Variants in GLYATL1B observed in about 807,000 individuals in gnomAD.
The protein encoded by GLYATL1B is glycine-N-acyltransferase like 1B, also known as putative glycine N-acyltransferase-like protein 1B.
A neutral mutation model predicts 5.5 loss-of-function variants in GLYATL1B; 6 were observed. The observed-to-expected ratio is 1.09, with a 90% CI of 0.60 to 2.15. The LOEUF is 2.15. GLYATL1B is among the 30% of genes most tolerant of loss of function. GLYATL1B has a pLI of 0.00. For synonymous variants in GLYATL1B, 67 were observed against 34.9 expected (o/e 1.92, Z -3.24); for missense variants, 135 against 94.1 (o/e 1.43, Z -1.80).
At chr11:59,088,743 A>T (rs1376038363) in intron 2 of GLYATL1B, among the ~76,000 whole-genome samples, 1 of 152,190 alleles carries the variant, frequency 6.6e-6, no homozygotes, top group Non-Finnish European at 1.5e-5. Context: ...TAAAATATAA[A>T]AGTTCCATGC....
At chr11:59,090,269 C>A (rs560335087) in intron 2 of GLYATL1B, among the ~76,000 whole-genome samples, 48 of 152,088 alleles carry the variant, frequency 3.2e-4, no homozygotes, top group Non-Finnish European at 5.2e-4. Flanking sequence ...TTATAAACTT[C>A]AGAGCTATAT....
At position 59,094,527 on chromosome 11, in the gene GLYATL1B, C is replaced by T. The variant is rs549947028; in HGVS notation, c.650C>T (p.Pro217Leu). Residue 217 changes from proline to leucine, a missense_variant, in exon 5 of 5, where the codon CCG becomes CTG. Pro to Leu is a moderately conservative substitution (Grantham distance 98, BLOSUM62 -3). Coordinates refer to ENST00000527482, the MANE Select transcript of GLYATL1B (RefSeq NM_001355566.1). The stretch of plus-strand genomic sequence containing the variant: ...TGTATGCTGGGCCCAGAGGGGGTCC[C>T]GGTCTCATGGGTAACCATGGACCCT... Reference protein sequence around the residue: ...AACMLGPEGVPVSWVTMDPSC... With the variant: ...AACMLGPEGVLVSWVTMDPSC... The T allele has an allele frequency of 5.7e-4, 439 of 771,172 alleles. No individual in the cohort carries two copies. The highest frequency in any genetic ancestry group is 7.7e-4 in the Non-Finnish European group (361 of 467,692). The allele number at this position is 771,172 out of a possible 1,614,324, so 47.8% of individuals were successfully genotyped here.
intron 1 of GLYATL1B, 117 bp from the exon 2 acceptor site, chr11:59,086,947 A>G: frequency 4.5e-6 from 2 of 440,084 alleles, no homozygotes; most frequent in Non-Finnish European, 8.0e-6. Context: ...TCATCTCATC[A>G]TCACTGACTT....
intron 2 of GLYATL1B, among the ~76,000 whole-genome samples, chr11:59,088,977 T>G (rs1382541139): frequency 1.3e-5 from 2 of 152,192 alleles, no homozygotes; most frequent in African/African-American, 4.8e-5. Flanking sequence ...ATATGCTGAT[T>G]ATAGAAGTGG....
Position 59,087,183 on chromosome 11 carries a change from G to A in GLYATL1B, c.186+12G>A. On this transcript the variant is annotated intron_variant, in intron 2 of 4. Coordinates refer to ENST00000527482, the MANE Select transcript of GLYATL1B (RefSeq NM_001355566.1). ...GACCTCAAAAACAGGTAGGCACACA[G>A]ACAGGGACTGGTGGAGCCAGGCAGG... 1.7e-6 allele frequency: 1 copy of A among 588,694 alleles called. No homozygotes were observed. The highest frequency in any genetic ancestry group is 2.6e-5 in the East Asian group (1 of 37,934). The allele number at this position is 588,694 out of a possible 1,614,324, so 36.5% of individuals were successfully genotyped here. A position where few individuals can be genotyped will look rare whatever the true frequency, so the allele number is the denominator to read the frequency against.
Position 59,094,635 on chromosome 11 carries a change from A to G in GLYATL1B, c.758A>G (p.Lys253Arg). The G allele has an allele frequency of 2.3e-6, 1 of 435,348 alleles. No individual in the cohort carries two copies. Among genetic ancestry groups the G allele is most frequent in the Admixed American group, 4.1e-5 (1 of 24,480 alleles). 27.0% of individuals were successfully genotyped at this position (435,348 alleles called of 1,614,324 possible). A position where few individuals can be genotyped will look rare whatever the true frequency, so the allele number is the denominator to read the frequency against. The change falls in exon 5 of 5, where the codon AAG becomes AGG. Residue 253 changes from lysine to arginine, a missense_variant. Lys to Arg is a conservative substitution (Grantham distance 26, BLOSUM62 2). Coordinates refer to ENST00000527482, the MANE Select transcript of GLYATL1B (RefSeq NM_001355566.1). ...NGTRLIMRCM[K>R]YLCQKNIPFY... Reference sequence around the variant, plus strand: ...ACACGGCTGATCATGCGATGCATGAAGTATCTGTGTCAGAAGAATATTCCA... The same window carrying G: ...ACACGGCTGATCATGCGATGCATGAGGTATCTGTGTCAGAAGAATATTCCA...
chr11:59,088,692 C>G (rs1266456873), intron 2 of GLYATL1B, among the ~76,000 whole-genome samples: 1 of 152,130 alleles, frequency 6.6e-6, no homozygotes, highest in Non-Finnish European at 1.5e-5. Context: ...TTGCTTTGAA[C>G]AAGGCTAGTT....
chr11:59,093,891 G>A (rs1330075149), intron 3 of GLYATL1B, 43 bp from the exon 4 acceptor site: 4 of 629,950 alleles, frequency 6.3e-6, no homozygotes, highest in Non-Finnish European at 1.1e-5. Context: ...TGTAAGTAGA[G>A]AACTGCATGT....
chr11:59,089,722 G>A (rs1859268510), intron 2 of GLYATL1B, among the ~76,000 whole-genome samples: 1 of 152,164 alleles, frequency 6.6e-6, no homozygotes, highest in Non-Finnish European at 1.5e-5. Flanking sequence ...TTTTGGATAT[G>A]AGGGATACTA....
chr11:59,091,995 G>C (rs540458471), intron 2 of GLYATL1B, among the ~76,000 whole-genome samples: 8 of 152,116 alleles, frequency 5.3e-5, no homozygotes, highest in Non-Finnish European at 1.2e-4. Flanking sequence ...ATTTCTATTA[G>C]TTCATTGAAG....
rs1590874675 is a variant in GLYATL1B, at chr11:59,093,438, T to C, written c.187-91T>C. The C allele has an allele frequency of 2.5e-5, 11 of 439,400 alleles. No homozygotes were observed. In the East Asian group the frequency reaches 3.4e-4, roughly 13 times the overall value. 27.2% of individuals were successfully genotyped at this position (439,400 alleles called of 1,614,324 possible). ...ATCGTGGGCTAGTGCTAAAACTTTCTTTTGAATTTTCATTTTTCTAATAAT... is the reference window on the plus strand; with the variant it reads ...ATCGTGGGCTAGTGCTAAAACTTTCCTTTGAATTTTCATTTTTCTAATAAT... On this transcript the variant is annotated intron_variant, in intron 2 of 4. Coordinates refer to ENST00000527482, the MANE Select transcript of GLYATL1B (RefSeq NM_001355566.1).
chr11:59,086,823 A>T lies in GLYATL1B; in HGVS notation c.79-241A>T, dbSNP rs142308860. Among the ~76,000 whole-genome samples the T allele has an allele frequency of 5.3e-3, 802 of 152,166 alleles. 3 individuals are homozygous for T. Among genetic ancestry groups the T allele is most frequent in the African/African-American group, 0.014 (591 of 41,530 alleles). Reference sequence around the variant, plus strand: ...TACAATATAAGTGCTAAGTGCATTAACAAGTGCCCAGCTACTGCACAGTAG... The same window carrying T: ...TACAATATAAGTGCTAAGTGCATTATCAAGTGCCCAGCTACTGCACAGTAG... On this transcript the variant is annotated intron_variant, in intron 1 of 4. Coordinates refer to ENST00000527482, the MANE Select transcript of GLYATL1B (RefSeq NM_001355566.1).
intron 2 of GLYATL1B, among the ~76,000 whole-genome samples, chr11:59,093,061 AG>A (rs1859352068): frequency 1.3e-5 from 2 of 152,326 alleles, no homozygotes; most frequent in South Asian, 2.1e-4. Flanking sequence ...TATGTCCCAC[AG>A]GGGGTTATGT....
chr11:59,093,690 C>G (rs567906823), intron 3 of GLYATL1B, 35 bp downstream of exon 3: 62 of 471,040 alleles, frequency 1.3e-4, no homozygotes, highest in African/African-American at 1.0e-3. Flanking sequence ...AGCAGCTGTG[C>G]TTCTCAAATT....
chr11:59,088,405 C>A (rs1208232657), intron 2 of GLYATL1B, among the ~76,000 whole-genome samples: 2 of 152,140 alleles, frequency 1.3e-5, no homozygotes, highest in Non-Finnish European at 2.9e-5. Context: ...TCATGGCCAG[C>A]CCAGCTTCAG....
At chr11:59,094,132 T>A in intron 4 of GLYATL1B, 21 bp downstream of exon 4, 1 of 582,710 alleles carries the variant, frequency 1.7e-6, no homozygotes. Context: ...CATGTGCTGA[T>A]CATTTATAAT....
intron 4 of GLYATL1B, 71 bp downstream of exon 4, chr11:59,094,182 T>G (rs1859380794): frequency 1.9e-6 from 1 of 529,042 alleles, no homozygotes; most frequent in Admixed American, 3.4e-5. Context: ...CATAAATCAG[T>G]TTTGGAATGA....
In GLYATL1B at chr11:59,094,622, A is replaced by G. The variant is rs1188983940; in HGVS notation, c.745A>G (p.Met249Val). ...RRRGNGTRLI[M>V]RCMKYLCQKN... ...GAGAGGCAATGGGACACGGCTGATCATGCGATGCATGAAGTATCTGTGTCA... is the reference window on the plus strand; with the variant it reads ...GAGAGGCAATGGGACACGGCTGATCGTGCGATGCATGAAGTATCTGTGTCA... The change falls in exon 5 of 5, where the codon ATG (methionine) becomes GTG (valine). Residue 249 changes from methionine (M) to valine (V), a missense_variant. Physicochemically the swap from Met to Val is conservative, Grantham distance 21. Coordinates refer to ENST00000527482, the MANE Select transcript of GLYATL1B (RefSeq NM_001355566.1). 2.0e-5 allele frequency: 9 copies of G among 443,330 alleles called. No individual in the cohort carries two copies. Among genetic ancestry groups the G allele is most frequent in the Admixed American group, 2.0e-4 (5 of 24,960 alleles). The allele number at this position is 443,330 out of a possible 1,614,324, so 27.5% of individuals were successfully genotyped here.
At chr11:59,087,749 A>G (rs139117122) in intron 2 of GLYATL1B, among the ~76,000 whole-genome samples, 1 of 152,200 alleles carries the variant, frequency 6.6e-6, no homozygotes, top group African/African-American at 2.4e-5. Flanking sequence ...CAGGAGATGG[A>G]GGTGGGAGGA....
Sources: gnomAD v4.1 joint callset for allele counts (sites outside exome capture counted in the v4.1 genomes callset) on GRCh38, gnomAD v4.1.1 for gene constraint, MANE v1.5 for transcripts, NCBI Gene and HGNC (gene_info 2026-07-23, HGNC 2026-07-21) for gene names.